The following UBE2O variants were observed in gnomAD, a reference collection of about 807,000 sequenced individuals.
UBE2O encodes ubiquitin conjugating enzyme E2 O.
UBE2O carries 15 observed loss-of-function variants against 125.8 expected under a neutral mutation model. The observed-to-expected ratio is 0.12, with a 90% CI of 0.08 to 0.18. The LOEUF (loss-of-function observed/expected upper bound fraction) is 0.18, where lower values mean the gene tolerates loss of function less well. Among genes scored for constraint, UBE2O ranks in the 10% least tolerant of loss-of-function variants. The pLI, the probability that UBE2O is intolerant of heterozygous loss-of-function variation, is 1.00. For synonymous variants in UBE2O, 708 were observed against 703.2 expected, an observed-to-expected ratio of 1.01 and a Z score of -0.11; for missense variants, 1,280 against 1,723.6, an observed-to-expected ratio of 0.74 and a Z score of 4.56.
Position 76,391,250 on chromosome 17 carries a change from G to A in UBE2O, c.3572C>T (p.Ala1191Val), listed in dbSNP as rs1415363025. The A allele has an allele frequency of 1.2e-6, 2 of 1,613,320 alleles. No individual in the cohort carries two copies. Among genetic ancestry groups the A allele is most frequent in the East Asian group, 2.2e-5 (1 of 44,882 alleles). ...TGAGCCCTGGGAGGCCTCTCCTGGG[G>A]CTGGCCCTCCATCCTCAGGTTCTTG... is the stretch of plus-strand genomic sequence containing the variant. ...GQQEPEDGGP[A>V]PGEASQGSDS... Residue 1191 changes from alanine to valine, a missense_variant, in exon 18 of 18, where the codon GCC becomes GTC. Transcript: ENST00000319380. This position sits in a 1 kb window ranked among gnomAD's most constrained non-coding sequence, Gnocchi z 8.4.
In UBE2O at chr17:76,402,815, G is replaced by T; in HGVS notation, c.589-116C>A. 1.2e-6 allele frequency: 1 copy of T among 861,934 alleles called. No homozygotes were observed. 53.4% of individuals were successfully genotyped at this position (861,934 alleles called of 1,614,324 possible). On this transcript the variant is annotated intron_variant, in intron 3 of 17. Coordinates refer to ENST00000319380, the MANE Select transcript of UBE2O (RefSeq NM_022066.4). The surrounding 1 kb of genome is among the most constrained non-coding windows in gnomAD (Gnocchi z 5.4). The stretch of plus-strand genomic sequence containing the variant: ...TGGGGGAGGATCTAGACAGCTCACT[G>T]ACTGGACCGGTTGGCTACTAGCCCT...
rs768060087 is a variant in UBE2O, at chr17:76,398,598, G to A, written c.1784-14C>T. ...GACAGCTCTGGACTAGGGAACCAGA[G>A]AAAGGGAAGTGACTAGCTAAGGGAT... is the stretch of plus-strand genomic sequence containing the variant. On this transcript the variant is annotated splice_polypyrimidine_tract_variant and intron_variant, in intron 10 of 17. Coordinates refer to ENST00000319380, the MANE Select transcript of UBE2O (RefSeq NM_022066.4). This position sits in a 1 kb window ranked among gnomAD's most constrained non-coding sequence, Gnocchi z 5.4. 1.6e-5 allele frequency: 26 copies of A among 1,611,714 alleles called. No individual in the cohort carries two copies. The South Asian group carries it at 2.6e-4, about 16-fold the overall frequency.
rs1205203393 is a variant in UBE2O at position 76,400,793 on chromosome 17, T to G, written c.894+218A>C. On this transcript the variant is annotated intron_variant, in intron 6 of 17. Transcript: ENST00000319380. The surrounding 1 kb of genome is among the most constrained non-coding windows in gnomAD (Gnocchi z 4.3). ...ACTGCCACTTGCCACCCTCCCACCT[T>G]GCTCAGCCTGTACAGGCTGGGCTGG... Among the ~76,000 whole-genome samples the G allele has an allele frequency of 6.6e-6, 1 of 152,168 alleles. No homozygotes were observed. Among genetic ancestry groups the G allele is most frequent in the Non-Finnish European group, 1.5e-5 (1 of 68,024 alleles).
In UBE2O at chr17:76,399,082, G is replaced by A; in HGVS notation, c.1629-91C>T. On this transcript the variant is annotated intron_variant, in intron 9 of 17. Transcript: ENST00000319380. This position sits in a 1 kb window ranked among gnomAD's most constrained non-coding sequence, Gnocchi z 6.9. ...CTTTCTGTCCCTTCCTGTCCCTGTG[G>A]GCTTGGTAACCTGAAACTCTGAATC... 1.3e-6 allele frequency: 2 copies of A among 1,491,808 alleles called. No homozygotes were observed. Among genetic ancestry groups the A allele is most frequent in the East Asian group, 2.3e-5 (1 of 42,924 alleles). The allele number at this position is 1,491,808 out of a possible 1,614,324, so 92.4% of individuals were successfully genotyped here.
intron 1 of UBE2O, among the ~76,000 whole-genome samples, chr17:76,425,907 C>A (rs2072803022): frequency 6.6e-6 from 1 of 152,206 alleles, no homozygotes; most frequent in African/African-American, 2.4e-5. Context: ...TGTGTCAGAT[C>A]CCGTTTCCTG....
At chr17:76,407,553 G>A (rs1027376191) in intron 1 of UBE2O, among the ~76,000 whole-genome samples, 1 of 152,212 alleles carries the variant, frequency 6.6e-6, no homozygotes, top group Non-Finnish European at 1.5e-5. Flanking sequence ...CACCACTTGG[G>A]GGTCCCTGAG....
intron 1 of UBE2O, among the ~76,000 whole-genome samples, chr17:76,414,401 G>A (rs776798727): frequency 8.5e-5 from 13 of 152,232 alleles, no homozygotes; most frequent in African/African-American, 3.1e-4. Context: ...AATTACACCT[G>A]AAAACAGTTA....
chr17:76,452,515 G>A lies in UBE2O; in HGVS notation c.417+210C>T, dbSNP rs1177083053. On this transcript the variant is annotated intron_variant, in intron 1 of 17. Transcript: ENST00000319380. The surrounding 1 kb of genome is among the most constrained non-coding windows in gnomAD (Gnocchi z 4.4). The stretch of plus-strand genomic sequence containing the variant: ...AAGTCGGGAAGCCCAGGGCCCGCCC[G>A]GTCCCGGGCCAGCAGTGCCTGGCTG... Among the ~76,000 whole-genome samples the A allele has an allele frequency of 1.3e-5, 2 of 152,206 alleles. No homozygotes were observed. Among genetic ancestry groups the A allele is most frequent in the Non-Finnish European group, 2.9e-5 (2 of 68,034 alleles).
intron 1 of UBE2O, among the ~76,000 whole-genome samples, chr17:76,440,095 T>C (rs1306444460): frequency 6.6e-6 from 1 of 152,174 alleles, no homozygotes; most frequent in East Asian, 1.9e-4. Flanking sequence ...CATGAAGTAG[T>C]ATAATCTCAG....
intron 1 of UBE2O, among the ~76,000 whole-genome samples, chr17:76,416,286 C>T (rs2072616452): frequency 6.6e-6 from 1 of 151,782 alleles, no homozygotes; most frequent in African/African-American, 2.4e-5. Flanking sequence ...TGGCCCTGGA[C>T]TGGCAGCCCA....
rs761364365 is a variant in UBE2O at position 76,396,072 on chromosome 17, A to C, written c.2809+56T>G. 1.9e-6 allele frequency: 3 copies of C among 1,583,254 alleles called. No individual in the cohort carries two copies. The highest frequency in any genetic ancestry group is 2.6e-6 in the Non-Finnish European group (3 of 1,161,112). ...ACCCTGCACCCAGATCTGGTGACACAAACAGGAGCCCCGAGAAGGCGGGGG... is the reference window on the plus strand; with the variant it reads ...ACCCTGCACCCAGATCTGGTGACACCAACAGGAGCCCCGAGAAGGCGGGGG... On this transcript the variant is annotated intron_variant, in intron 14 of 17. Transcript: ENST00000319380. The surrounding 1 kb of genome is among the most constrained non-coding windows in gnomAD (Gnocchi z 6.7).
rs866872040 is a variant in UBE2O at position 76,408,360 on chromosome 17, T to C, written c.418-2788A>G. 1.4e-4 allele frequency among the ~76,000 whole-genome samples: 21 copies of C among 152,288 alleles called. 1 individual carries two copies. The highest frequency in any genetic ancestry group is 8.3e-4 in the South Asian group (4 of 4,824). ...CGCCCATGAGGTGCTCCACAACCCA[T>C]GAAGCACATCACTGCCATGCTCATT... On this transcript the variant is annotated intron_variant, in intron 1 of 17. Transcript: ENST00000319380.
chr17:76,402,831 T>C lies in UBE2O; in HGVS notation c.589-132A>G, dbSNP rs558824071. On this transcript the variant is annotated intron_variant, in intron 3 of 17. Coordinates refer to ENST00000319380, the MANE Select transcript of UBE2O (RefSeq NM_022066.4). This position sits in a 1 kb window ranked among gnomAD's most constrained non-coding sequence, Gnocchi z 5.4. ...CAGCTCACTGACTGGACCGGTTGGC[T>C]ACTAGCCCTAAACAGCTGCTGCAGC... The C allele has an allele frequency of 1.1e-5, 8 of 735,088 alleles. No homozygotes were observed. In the South Asian group the frequency reaches 1.3e-4, roughly 12 times the overall value. 45.5% of individuals were successfully genotyped at this position (735,088 alleles called of 1,614,324 possible). A position where few individuals can be genotyped will look rare whatever the true frequency, so the allele number is the denominator to read the frequency against.
At chr17:76,416,084 T>C (rs1366134172) in intron 1 of UBE2O, among the ~76,000 whole-genome samples, 3 of 151,910 alleles carry the variant, frequency 2.0e-5, no homozygotes, top group South Asian at 2.1e-4. Context: ...TGTATACATA[T>C]GTACATACAT....
chr17:76,438,903 G>A (rs972240140), intron 1 of UBE2O, among the ~76,000 whole-genome samples: 1 of 151,522 alleles, frequency 6.6e-6, no homozygotes, highest in Non-Finnish European at 1.5e-5. Flanking sequence ...AGGGCACAGA[G>A]GACACAACTC....
In UBE2O at chr17:76,400,317, G is replaced by A. The variant is rs774277235; in HGVS notation, c.1005-20C>T. 6.2e-7 allele frequency: 1 copy of A among 1,611,912 alleles called. No individual in the cohort carries two copies. The highest frequency in any genetic ancestry group is 8.5e-7 in the Non-Finnish European group (1 of 1,178,542). On this transcript the variant is annotated intron_variant, in intron 7 of 17. Transcript: ENST00000319380. The surrounding 1 kb of genome is among the most constrained non-coding windows in gnomAD (Gnocchi z 4.3). ...TTCACCCTGGTTGGGGAAGAAGTGGGGGTGAGCTGGGCTGGACTCCTGGGA... is the reference window on the plus strand; with the variant it reads ...TTCACCCTGGTTGGGGAAGAAGTGGAGGTGAGCTGGGCTGGACTCCTGGGA...
intron 1 of UBE2O, among the ~76,000 whole-genome samples, chr17:76,418,135 G>A (rs983103177): frequency 6.6e-6 from 1 of 152,134 alleles, no homozygotes; most frequent in Admixed American, 6.5e-5. Context: ...GCCCTGGGAC[G>A]CCCTGAAGAA....
intron 1 of UBE2O, among the ~76,000 whole-genome samples, chr17:76,424,054 CCCG>C (rs1294203529): frequency 6.6e-6 from 1 of 151,652 alleles, no homozygotes; most frequent in Non-Finnish European, 1.5e-5. Flanking sequence ...ACTACAGGCC[CCCG>C]CCACCATGCC....
intron 1 of UBE2O, among the ~76,000 whole-genome samples, chr17:76,434,372 A>C (rs1181616889): frequency 1.3e-5 from 2 of 152,184 alleles, no homozygotes; most frequent in South Asian, 4.1e-4. Flanking sequence ...CTATGGGAGA[A>C]ACGGAGAGGA....
Sources: allele counts gnomAD v4.1 joint callset (sites outside exome capture counted in the v4.1 genomes callset), GRCh38; gene constraint gnomAD v4.1.1; non-coding constraint Gnocchi (gnomAD v3.1); transcripts MANE v1.5; gene names NCBI Gene and HGNC (gene_info 2026-07-23, HGNC 2026-07-21).